The following GPHN variants were observed in gnomAD, a reference collection of about 807,000 sequenced individuals.
The protein encoded by GPHN is gephyrin.
A neutral mutation model predicts 95.5 loss-of-function variants in GPHN; 17 were observed. The observed-to-expected ratio is 0.18, with a 90% confidence interval of 0.12 to 0.27. The LOEUF is 0.27. GPHN is among the 10% of genes least tolerant of loss of function. GPHN has a pLI of 1.00. For synonymous variants in GPHN, 320 were observed against 322.5 expected (o/e 0.99, Z 0.08); for missense variants, 660 against 978.1 (o/e 0.67, Z 4.34).
At chr14:66,622,315 GA>G (rs1196792367) in intron 1 of GPHN, among the ~76,000 whole-genome samples, 1 of 152,104 alleles carries the variant, frequency 6.6e-6, no homozygotes, top group Non-Finnish European at 1.5e-5. Flanking sequence ...ACACCATGGG[GA>G]CCCTTGGCCC....
the GPHN span, chr14:67,725,105 G>A: frequency 1.7e-5 from 28 of 1,614,028 alleles, no homozygotes; most frequent in Middle Eastern, 1.6e-4. Context: ...CCAGGAGCCC[G>A]AGTCTATATT....
At chr14:66,538,793 T>TTC (rs2059235963) in intron 1 of GPHN, among the ~76,000 whole-genome samples, 1 of 151,302 alleles carries the variant, frequency 6.6e-6, no homozygotes, top group Admixed American at 6.6e-5. Context: ...TTTTTTTTTT[T>TTC]CACATATATT....
At chr14:66,628,041 A>G (rs1362107202) in intron 1 of GPHN, among the ~76,000 whole-genome samples, 4 of 152,138 alleles carry the variant, frequency 2.6e-5, no homozygotes, top group Non-Finnish European at 5.9e-5. Flanking sequence ...AGCTCTTGGT[A>G]GGGGAAAGAA....
intron 5 of GPHN, among the ~76,000 whole-genome samples, chr14:66,888,869 T>A (rs559574401): frequency 1.2e-4 from 18 of 152,104 alleles, no homozygotes; most frequent in Non-Finnish European, 2.1e-4. Flanking sequence ...ATAAATAAGT[T>A]GAAAGTGAAA....
chr14:67,064,460 G>A (rs902716987), intron 11 of GPHN, among the ~76,000 whole-genome samples: 1 of 151,952 alleles, frequency 6.6e-6, no homozygotes, highest in African/African-American at 2.4e-5. Context: ...AATGAGTTAG[G>A]GAGGATTCCC....
At chr14:67,579,046 G>A in the GPHN span, 1 of 888,174 alleles carries the variant, frequency 1.1e-6, no homozygotes, top group South Asian at 1.5e-5. Flanking sequence ...TACAGTTTTG[G>A]TCCTGGCTGA....
the GPHN span, chr14:67,374,405 G>A: frequency 7.2e-6 from 7 of 972,194 alleles, no homozygotes; most frequent in East Asian, 1.9e-4. Flanking sequence ...GGTCTTCAAA[G>A]CTGGTTACAA....
At chr14:66,869,885 A>G (rs753125528) in intron 4 of GPHN, among the ~76,000 whole-genome samples, 13 of 152,220 alleles carry the variant, frequency 8.5e-5, no homozygotes, top group Non-Finnish European at 1.6e-4. Context: ...TAATTCACAT[A>G]GCAAAACTAC....
chr14:67,560,066 G>A, the GPHN span, among the ~76,000 whole-genome samples: 6 of 151,810 alleles, frequency 4.0e-5, no homozygotes, highest in Non-Finnish European at 7.4e-5. Flanking sequence ...TCGCTCTCTC[G>A]CCCAGGCTGG....
rs375654543 is a variant in GPHN at position 66,981,832 on chromosome 14, A to C, written c.963+16507A>C. On this transcript the variant is annotated intron_variant, in intron 9 of 22. Coordinates refer to ENST00000478722, the MANE Select transcript of GPHN (RefSeq NM_020806.5). ...ATTCCATAGGTAAGAGACTAAATTT[A>C]ATTAAACAACCTGAGAGTCAGAAGG... Among the ~76,000 whole-genome samples, 9 of 152,332 alleles carry C rather than the reference A, an allele frequency of 5.9e-5. No homozygotes were observed. In the East Asian group the frequency reaches 1.5e-3, roughly 26 times the overall value.
intron 1 of GPHN, among the ~76,000 whole-genome samples, chr14:66,565,764 A>C (rs2060437379): frequency 1.3e-5 from 2 of 152,318 alleles, no homozygotes; most frequent in Admixed American, 1.3e-4. Context: ...AAAGGATATT[A>C]TGTAATATAT....
intron 5 of GPHN, among the ~76,000 whole-genome samples, chr14:66,909,962 C>T (rs986190688): frequency 1.6e-4 from 24 of 151,982 alleles, no homozygotes; most frequent in African/African-American, 5.1e-4. Context: ...GACCAAATTT[C>T]ATATTTACTG....
chr14:67,473,321 A>C, the GPHN span: 1 of 1,506,326 alleles, frequency 6.6e-7, no homozygotes, highest in Non-Finnish European at 9.0e-7. This position sits in a 1 kb window ranked among gnomAD's most constrained non-coding sequence, Gnocchi z 6.5. Context: ...GCTTGGCCGG[A>C]GCAGGGCTTT....
intron 2 of GPHN, among the ~76,000 whole-genome samples, chr14:66,682,731 C>T (rs2067017591): frequency 6.6e-6 from 1 of 151,970 alleles, no homozygotes; most frequent in Non-Finnish European, 1.5e-5. Flanking sequence ...GCCTGGGCGA[C>T]AGAGCGAGGC....
chr14:66,647,495 G>A (rs2064819891), intron 1 of GPHN, among the ~76,000 whole-genome samples: 1 of 151,248 alleles, frequency 6.6e-6, no homozygotes, highest in South Asian at 2.1e-4. Context: ...TTTCTGCAAG[G>A]GATACATTCC....
the GPHN span, chr14:67,198,418 C>A: frequency 1.7e-6 from 2 of 1,166,744 alleles, no homozygotes; most frequent in Middle Eastern, 2.7e-4. Context: ...TTAAATGTGC[C>A]GAGGGAATGT....
the GPHN span, among the ~76,000 whole-genome samples, chr14:67,528,680 C>G: frequency 4.5e-3 from 682 of 152,298 alleles, 20 homozygotes; most frequent in East Asian, 0.064. Flanking sequence ...TCCCATTAAG[C>G]CCCCATTCAC....
the GPHN span, chr14:67,677,522 A>C: frequency 6.6e-6 from 1 of 151,602 alleles, no homozygotes; most frequent in Non-Finnish European, 1.5e-5. Flanking sequence ...GGGCTAGTTA[A>C]TCCTTAACTA....
chr14:67,324,362 T>C, the GPHN span, among the ~76,000 whole-genome samples: 1 of 152,240 alleles, frequency 6.6e-6, no homozygotes, highest in Non-Finnish European at 1.5e-5. Flanking sequence ...ACTTTTTATT[T>C]AAATATGTAA....
Sources: allele counts gnomAD v4.1 joint callset (sites outside exome capture counted in the v4.1 genomes callset), GRCh38; gene constraint gnomAD v4.1.1; non-coding constraint Gnocchi (gnomAD v3.1); transcripts MANE v1.5; gene names NCBI Gene and HGNC (gene_info 2026-07-23, HGNC 2026-07-21).